The following RTL4 variants were observed in gnomAD, a reference collection of about 807,000 sequenced individuals.
RTL4 encodes retrotransposon Gag-like protein 4.
In RTL4, 4 loss-of-function variants were observed where a neutral mutation model predicts 5.3. The observed-to-expected ratio is 0.75, with a 90% CI of 0.37 to 1.72. The LOEUF is 1.72. Among genes scored for constraint, RTL4 ranks in the 40% most tolerant of loss-of-function variants. RTL4 has a pLI of 0.04. For synonymous variants in RTL4, 98 were observed against 87.3 expected, an observed-to-expected ratio of 1.12 and a Z score of -0.68; for missense variants, 260 against 227.1, an observed-to-expected ratio of 1.14 and a Z score of -0.93.
At chrX:112,362,423 C>T in the RTL4 span, among the ~76,000 whole-genome samples, 31 of 111,614 alleles carry the variant, frequency 2.8e-4, no homozygotes, top group Non-Finnish European at 4.7e-4. Context: ...GTAGAGGTTT[C>T]CTAACCATCC....
At chrX:112,316,143 G>T in the RTL4 span, among the ~76,000 whole-genome samples, 1 of 111,925 alleles carries the variant, frequency 8.9e-6, no homozygotes, top group Admixed American at 9.5e-5. Context: ...AGCCTGAAAT[G>T]TGTAAAGTGA....
At chrX:112,395,630 G>A in the RTL4 span, among the ~76,000 whole-genome samples, 1 of 111,357 alleles carries the variant, frequency 9.0e-6, no homozygotes, top group East Asian at 2.8e-4. Context: ...AATGATTTTC[G>A]TAGACTTGCC....
the RTL4 span, among the ~76,000 whole-genome samples, chrX:112,395,346 A>G: frequency 9.0e-6 from 1 of 111,687 alleles, no homozygotes; most frequent in Admixed American, 9.5e-5. Context: ...AGATGTCTCA[A>G]TGTGCTTCAT....
At chrX:112,305,776 C>T in the RTL4 span, among the ~76,000 whole-genome samples, 1 of 112,273 alleles carries the variant, frequency 8.9e-6, no homozygotes, top group Admixed American at 9.5e-5. Context: ...ACAGTCAGTG[C>T]TGTACTCTCA....
chrX:112,153,718 T>C, the RTL4 span, among the ~76,000 whole-genome samples: 1 of 111,637 alleles, frequency 9.0e-6, no homozygotes, highest in Non-Finnish European at 1.9e-5. Context: ...CCAAAGTATA[T>C]ATTTTTACAC....
At chrX:112,085,630 T>C in the RTL4 span, among the ~76,000 whole-genome samples, 1 of 111,571 alleles carries the variant, frequency 9.0e-6, no homozygotes, top group African/African-American at 3.3e-5. Flanking sequence ...TAGATTCCAG[T>C]AGGAACCCAC....
the RTL4 span, among the ~76,000 whole-genome samples, chrX:112,356,579 GGT>G: frequency 0.19 from 19,077 of 98,937 alleles, 1,511 homozygotes; most frequent in Admixed American, 0.3. Context: ...TTTGTTTTGG[GGT>G]GTGTGTGTGT....
chrX:112,330,562 A>G, the RTL4 span, among the ~76,000 whole-genome samples: 4 of 110,820 alleles, frequency 3.6e-5, no homozygotes, highest in Non-Finnish European at 7.6e-5. Context: ...AATCAATATC[A>G]TGAAAATGGC....
chrX:112,311,788 A>G, the RTL4 span, among the ~76,000 whole-genome samples: 1 of 110,870 alleles, frequency 9.0e-6, no homozygotes, highest in Non-Finnish European at 1.9e-5. Context: ...CAGTGCTCAC[A>G]TTCACTTCCT....
chrX:112,292,359 G>A, the RTL4 span, among the ~76,000 whole-genome samples: 1 of 111,603 alleles, frequency 9.0e-6, no homozygotes, highest in Admixed American at 9.6e-5. Context: ...AAAACTACCT[G>A]TGGTCCAGTA....
chrX:112,132,372 C>T, the RTL4 span, among the ~76,000 whole-genome samples: 1 of 111,010 alleles, frequency 9.0e-6, no homozygotes, highest in Non-Finnish European at 1.9e-5. Flanking sequence ...GTCAATCAGA[C>T]AGCTTACCTC....
chrX:112,356,170 A>G, the RTL4 span, among the ~76,000 whole-genome samples: 1 of 111,311 alleles, frequency 9.0e-6, no homozygotes, highest in Non-Finnish European at 1.9e-5. Flanking sequence ...ATTGTTATAA[A>G]CACTTGTGGG....
chrX:112,122,263 G>A, the RTL4 span, among the ~76,000 whole-genome samples: 1,645 of 111,714 alleles, frequency 0.015, 18 homozygotes, highest in Non-Finnish European at 0.02. Flanking sequence ...AAAATAATGA[G>A]ATCCTGTTAT....
chrX:112,365,653 A>T, the RTL4 span, among the ~76,000 whole-genome samples: 1 of 111,606 alleles, frequency 9.0e-6, no homozygotes. Context: ...TATCTAACCC[A>T]TACATAGGAA....
At chrX:112,274,176 G>A in the RTL4 span, among the ~76,000 whole-genome samples, 4 of 111,794 alleles carry the variant, frequency 3.6e-5, no homozygotes, top group Non-Finnish European at 7.5e-5. Flanking sequence ...TATATAGTAA[G>A]GCCTGTTTTT....
At chrX:112,321,555 G>GA in the RTL4 span, among the ~76,000 whole-genome samples, 1 of 103,607 alleles carries the variant, frequency 9.7e-6, no homozygotes, top group Non-Finnish European at 2.0e-5. Flanking sequence ...AAAAAAGAAA[G>GA]AAAAAGAAAA....
At chrX:112,167,061 A>G in the RTL4 span, among the ~76,000 whole-genome samples, 3 of 111,595 alleles carry the variant, frequency 2.7e-5, no homozygotes, top group African/African-American at 9.8e-5. Context: ...CCTAACAGGA[A>G]GAATGAGATG....
the RTL4 span, among the ~76,000 whole-genome samples, chrX:112,324,232 C>T: frequency 2.4e-4 from 27 of 112,564 alleles, no homozygotes; most frequent in South Asian, 7.3e-4. Context: ...TTTTCAAGGT[C>T]CATCCATGTT....
chrX:112,279,624 T>C, the RTL4 span, among the ~76,000 whole-genome samples: 1 of 110,901 alleles, frequency 9.0e-6, no homozygotes, highest in Non-Finnish European at 1.9e-5. Flanking sequence ...AAATGTAATA[T>C]ATGAAACAGG....
Sources: gnomAD v4.1 joint callset for allele counts (sites outside exome capture counted in the v4.1 genomes callset) on GRCh38, gnomAD v4.1.1 for gene constraint, MANE v1.5 for transcripts, NCBI Gene and HGNC (gene_info 2026-07-23, HGNC 2026-07-21) for gene names.